Variants in ATOSA observed in about 807,000 individuals in gnomAD.
ATOSA encodes atos homolog protein A.
chr15:52,614,617 G>A, the ATOSA span, among the ~76,000 whole-genome samples: 7 of 151,990 alleles, frequency 4.6e-5, no homozygotes, highest in African/African-American at 1.7e-4. Context: ...GGAGGCCGAG[G>A]TGGGCAGATC....
the ATOSA span, chr15:52,608,573 C>T: frequency 1.9e-6 from 3 of 1,568,140 alleles, no homozygotes; most frequent in Admixed American, 2.0e-5. Flanking sequence ...CTTACCAATA[C>T]CTCTGTATTT....
chr15:52,601,021 T>C, the ATOSA span: 2 of 965,390 alleles, frequency 2.1e-6, no homozygotes, highest in Non-Finnish European at 3.1e-6. Flanking sequence ...ACATTATTTA[T>C]TGTTAAAGAC....
chr15:52,611,513 A>G, the ATOSA span: 4 of 1,509,194 alleles, frequency 2.7e-6, no homozygotes, highest in South Asian at 4.8e-5. Flanking sequence ...AAAATAATTT[A>G]TAAGAAGTAA....
chr15:52,611,384 T>TC, the ATOSA span: 1 of 1,281,138 alleles, frequency 7.8e-7, no homozygotes, highest in Non-Finnish European at 1.1e-6. Flanking sequence ...GGAATACACT[T>TC]ACGATGTCAC....
the ATOSA span, among the ~76,000 whole-genome samples, chr15:52,682,134 G>A: frequency 2.0e-5 from 3 of 152,278 alleles, no homozygotes; most frequent in Non-Finnish European, 2.9e-5. Context: ...TCCCTAGTGG[G>A]ATAAAGGTAG....
chr15:52,677,413 C>A, the ATOSA span, among the ~76,000 whole-genome samples: 1 of 152,124 alleles, frequency 6.6e-6, no homozygotes, highest in African/African-American at 2.4e-5. Context: ...ATATATTATT[C>A]TTATAAATCC....
chr15:52,617,851 G>A, the ATOSA span, among the ~76,000 whole-genome samples: 1 of 150,518 alleles, frequency 6.6e-6, no homozygotes, highest in African/African-American at 2.4e-5. Flanking sequence ...TAACTTGTAA[G>A]AGAGCCCATA....
chr15:52,593,868 G>A, the ATOSA span: 8 of 915,870 alleles, frequency 8.7e-6, no homozygotes, highest in Non-Finnish European at 1.3e-5. Flanking sequence ...ATGCTTTCTA[G>A]CACTAGAACA....
At chr15:52,675,735 T>C in the ATOSA span, among the ~76,000 whole-genome samples, 2 of 151,988 alleles carry the variant, frequency 1.3e-5, no homozygotes, top group Non-Finnish European at 2.9e-5. Context: ...GGTGAAACCC[T>C]GTCTCTACTA....
chr15:52,617,770 A>T, the ATOSA span, among the ~76,000 whole-genome samples: 2 of 66,098 alleles, frequency 3.0e-5, no homozygotes, highest in Non-Finnish European at 5.2e-5. Flanking sequence ...TTATTTATTA[A>T]TAATTTATTA....
the ATOSA span, among the ~76,000 whole-genome samples, chr15:52,702,664 A>G: frequency 6.6e-6 from 1 of 151,850 alleles, no homozygotes; most frequent in Non-Finnish European, 1.5e-5. Flanking sequence ...TACTATGCTC[A>G]GTACCTGGAT....
chr15:52,678,350 C>G, the ATOSA span: 1 of 488,972 alleles, frequency 2.0e-6, no homozygotes, highest in Non-Finnish European at 3.7e-6. Flanking sequence ...CTGACACAGT[C>G]TCTGAACCAA....
chr15:52,666,816 A>G, the ATOSA span, among the ~76,000 whole-genome samples: 1 of 152,290 alleles, frequency 6.6e-6, no homozygotes, highest in East Asian at 1.9e-4. Context: ...GAGAGGGGAA[A>G]AGAAATAAAC....
the ATOSA span, among the ~76,000 whole-genome samples, chr15:52,592,962 T>C: frequency 1.1e-4 from 17 of 151,936 alleles, no homozygotes; most frequent in Admixed American, 6.6e-4. Context: ...GCCTGGGCAA[T>C]ATAGGGAGGC....
the ATOSA span, among the ~76,000 whole-genome samples, chr15:52,675,936 G>C: frequency 6.6e-6 from 1 of 151,668 alleles, no homozygotes; most frequent in Non-Finnish European, 1.5e-5. Context: ...AAAAAAAAGA[G>C]AGAAAACTTA....
the ATOSA span, chr15:52,605,021 T>TTAA: frequency 1.4e-6 from 1 of 722,822 alleles, no homozygotes; most frequent in Non-Finnish European, 2.2e-6. Context: ...GTTTCCTTAC[T>TTAA]GGAAATTTAA....
At chr15:52,599,286 A>G in the ATOSA span, among the ~76,000 whole-genome samples, 1 of 152,186 alleles carries the variant, frequency 6.6e-6, no homozygotes, top group East Asian at 1.9e-4. Flanking sequence ...GGCCTATGCA[A>G]TTTTAATTTG....
the ATOSA span, among the ~76,000 whole-genome samples, chr15:52,624,561 A>G: frequency 4.6e-5 from 7 of 152,324 alleles, no homozygotes; most frequent in East Asian, 1.3e-3. Flanking sequence ...AAATGTGACC[A>G]TGAAAAAGGA....
the ATOSA span, chr15:52,611,902 C>T: frequency 3.5e-6 from 3 of 857,410 alleles, no homozygotes; most frequent in Non-Finnish European, 5.3e-6. Context: ...CAGAGCTTTG[C>T]TCAGAATTGG....
Sources: gnomAD v4.1 joint callset for allele counts (sites outside exome capture counted in the v4.1 genomes callset) on GRCh38, gnomAD v4.1.1 for gene constraint, MANE v1.5 for transcripts, NCBI Gene and HGNC (gene_info 2026-07-23, HGNC 2026-07-21) for gene names.